Variants in LIPC observed in about 807,000 individuals in gnomAD.
LIPC encodes hepatic triacylglycerol lipase.
Under a neutral mutation model 50.7 loss-of-function variants are expected in LIPC, and 44 were observed. The observed-to-expected ratio is 0.87, with a 90% confidence interval of 0.68 to 1.11. The LOEUF (loss-of-function observed/expected upper bound fraction) is 1.11. LIPC is among the 50% of genes most tolerant of loss of function. LIPC has a pLI of 0.00. For missense variants in LIPC, 697 were observed against 648.2 expected (o/e 1.08, Z -0.82); for synonymous variants, 271 against 256.4 (o/e 1.06, Z -0.54).
chr15:58,456,356 A>G (rs1383191949), intron 1 of LIPC: 1 of 152,264 alleles, frequency 6.6e-6, no homozygotes, highest in Non-Finnish European at 1.5e-5. Flanking sequence ...ATAGTATGAT[A>G]GCTGATTATG....
At chr15:58,504,388 C>A (rs1360970672) in intron 1 of LIPC, among the ~76,000 whole-genome samples, 3 of 152,184 alleles carry the variant, frequency 2.0e-5, no homozygotes, top group African/African-American at 7.2e-5. Context: ...CTTTTTGAGT[C>A]TCAAGCAAGT....
chr15:58,519,185 G>T (rs1892575449), intron 1 of LIPC, among the ~76,000 whole-genome samples: 1 of 152,112 alleles, frequency 6.6e-6, no homozygotes, highest in Non-Finnish European at 1.5e-5. Flanking sequence ...GAGGCAGGCA[G>T]ATCACGAGGT....
In LIPC at chr15:58,547,750, T is replaced by A. The variant is rs201697073; in HGVS notation, c.809-580T>A. On this transcript the variant is annotated intron_variant, in intron 5 of 8. Coordinates refer to ENST00000299022, the MANE Select transcript of LIPC (RefSeq NM_000236.3). Reference sequence around the variant, plus strand: ...GTCCTTCCAAATCCAATTCTTGTGCTGGTTTCACAGGCCTGTTACCTAAGG... The same window carrying A: ...GTCCTTCCAAATCCAATTCTTGTGCAGGTTTCACAGGCCTGTTACCTAAGG... 2.1e-4 allele frequency among the ~76,000 whole-genome samples: 32 copies of A among 152,312 alleles called. No homozygotes were observed. In the East Asian group the frequency reaches 6.2e-3, roughly 29 times the overall value.
chr15:58,475,479 T>C (rs1197288137), intron 1 of LIPC, among the ~76,000 whole-genome samples: 1 of 152,122 alleles, frequency 6.6e-6, no homozygotes, highest in Non-Finnish European at 1.5e-5. Context: ...ACACTCCCGT[T>C]CTTTCAACAC....
chr15:58,566,729 C>A (rs966003711), intron 8 of LIPC, among the ~76,000 whole-genome samples: 1 of 152,088 alleles, frequency 6.6e-6, no homozygotes, highest in East Asian at 1.9e-4. Context: ...ACAGCAAGAC[C>A]AAGTATAATA....
At chr15:58,467,515 G>A (rs929998882) in intron 1 of LIPC, among the ~76,000 whole-genome samples, 1 of 152,210 alleles carries the variant, frequency 6.6e-6, no homozygotes, top group African/African-American at 2.4e-5. Flanking sequence ...TAATGAGTCA[G>A]CTGCAGAGTT....
rs1893340418 is a variant in LIPC, at chr15:58,541,864, G to A, written c.353G>A (p.Gly118Glu). Residue 118 changes from glycine to glutamate, a missense_variant, in exon 3 of 9, where the codon GGG (glycine) becomes GAG (glutamate). Coordinates refer to ENST00000299022, the MANE Select transcript of LIPC (RefSeq NM_000236.3). Reference sequence around the variant, plus strand: ...CAGCCGGCCCAGCCAGTGAACGTGGGGCTGGTGGACTGGATCACCCTGGCC... The same window carrying A: ...CAGCCGGCCCAGCCAGTGAACGTGGAGCTGGTGGACTGGATCACCCTGGCC... Reference protein sequence around the residue: ...KSQPAQPVNVGLVDWITLAHD... With the variant: ...KSQPAQPVNVELVDWITLAHD... The A allele has an allele frequency of 3.1e-6, 5 of 1,612,928 alleles. No homozygotes were observed. Among genetic ancestry groups the A allele is most frequent in the South Asian group, 2.2e-5 (2 of 91,038 alleles).
chr15:58,465,885 C>T (rs1046502199), intron 1 of LIPC, among the ~76,000 whole-genome samples: 1 of 152,176 alleles, frequency 6.6e-6, no homozygotes, highest in East Asian at 1.9e-4. Flanking sequence ...ACAATCATAG[C>T]CCTCGATGTC....
intron 1 of LIPC, among the ~76,000 whole-genome samples, chr15:58,503,641 G>A (rs143149017): frequency 2.6e-5 from 4 of 152,314 alleles, no homozygotes; most frequent in Non-Finnish European, 5.9e-5. Flanking sequence ...AATGTGAAGG[G>A]CAGGGTTCCA....
chr15:58,505,626 C>G (rs1892123767), intron 1 of LIPC, among the ~76,000 whole-genome samples: 1 of 152,198 alleles, frequency 6.6e-6, no homozygotes, highest in Admixed American at 6.5e-5. Context: ...CTGTTTCCTT[C>G]ACGTTTCACC....
At chr15:58,531,500 T>G (rs1476011863) in intron 1 of LIPC, among the ~76,000 whole-genome samples, 1 of 151,814 alleles carries the variant, frequency 6.6e-6, no homozygotes, top group Non-Finnish European at 1.5e-5. Flanking sequence ...CAAGAGAATT[T>G]AAGAGAAAAG....
rs550838646 is a variant in LIPC, at chr15:58,441,884, C to T, written c.88+9764C>T. Among the ~76,000 whole-genome samples, 5 of 152,238 alleles carry T rather than the reference C, an allele frequency of 3.3e-5. No homozygotes were observed. In the South Asian group the frequency reaches 1.0e-3, roughly 32 times the overall value. Reference sequence around the variant, plus strand: ...GTCATGTTTTTTGATTTTGGAGTGGCCTCCTCCCTGTCTTGATGCAAACAC... The same window carrying T: ...GTCATGTTTTTTGATTTTGGAGTGGTCTCCTCCCTGTCTTGATGCAAACAC... On this transcript the variant is annotated intron_variant, in intron 1 of 8. Transcript: ENST00000299022.
intron 1 of LIPC, among the ~76,000 whole-genome samples, chr15:58,465,605 G>T (rs560750045): frequency 2.0e-5 from 3 of 148,336 alleles, no homozygotes; most frequent in Non-Finnish European, 3.0e-5. Flanking sequence ...GTAACATAAC[G>T]GATGGAGTCC....
intron 4 of LIPC, among the ~76,000 whole-genome samples, chr15:58,545,354 A>T (rs1893485174): frequency 6.6e-6 from 1 of 151,922 alleles, no homozygotes; most frequent in African/African-American, 2.4e-5. Context: ...CCCTCCTGCC[A>T]CAGCCTCCTG....
chr15:58,521,293 G>A (rs1892643763), intron 1 of LIPC: 1 of 152,098 alleles, frequency 6.6e-6, no homozygotes, highest in South Asian at 2.1e-4. Context: ...CTTGTGCTGG[G>A]ACCACACAGA....
chr15:58,531,932 G>A (rs60214974), intron 1 of LIPC, among the ~76,000 whole-genome samples: 48 of 152,136 alleles, frequency 3.2e-4, no homozygotes, highest in African/African-American at 1.1e-3. Flanking sequence ...AAATTACCAC[G>A]GCTTTACAAA....
Position 58,512,662 on chromosome 15 carries a change from A to G in LIPC, c.89-25671A>G, listed in dbSNP as rs533884208. On this transcript the variant is annotated intron_variant, in intron 1 of 8. Transcript: ENST00000299022. ...ATGGAGTCTCAGACCTGTCCCACCC[A>G]TCTTAAAGTGGCCTGGTCACAGGGT... 2.0e-5 allele frequency among the ~76,000 whole-genome samples: 3 copies of G among 152,294 alleles called. No individual in the cohort carries two copies. The South Asian group carries it at 6.2e-4, about 32-fold the overall frequency.
At chr15:58,517,448 G>A (rs1892517822) in intron 1 of LIPC, among the ~76,000 whole-genome samples, 1 of 152,250 alleles carries the variant, frequency 6.6e-6, no homozygotes, top group African/African-American at 2.4e-5. Context: ...CCAACTTTCA[G>A]TGCTAAAAAG....
At chr15:58,558,458 A>G (rs747309621) in intron 6 of LIPC, among the ~76,000 whole-genome samples, 2 of 152,094 alleles carry the variant, frequency 1.3e-5, no homozygotes, top group Non-Finnish European at 2.9e-5. Flanking sequence ...TTGAGCATCT[A>G]TTGTATTACA....
Sources: gnomAD v4.1 joint callset for allele counts (sites outside exome capture counted in the v4.1 genomes callset) on GRCh38, gnomAD v4.1.1 for gene constraint, MANE v1.5 for transcripts, NCBI Gene and HGNC (gene_info 2026-07-23, HGNC 2026-07-21) for gene names.